Variants in ACO2 observed in about 807,000 individuals in gnomAD.
ACO2 encodes the protein aconitase 2, also known as aconitate hydratase, mitochondrial.
ACO2 carries 31 observed loss-of-function variants against 84.5 expected under a neutral mutation model. The observed-to-expected ratio is 0.37, with a 90% CI of 0.28 to 0.50. The LOEUF (loss-of-function observed/expected upper bound fraction) is 0.50, where lower values mean the gene tolerates loss of function less well. Ranked by LOEUF, ACO2 falls within the 20% of genes least tolerant of loss-of-function variation. The probability of loss-of-function intolerance (pLI) is 0.97; values close to 1 mark genes in which losing one functional copy is unlikely to be tolerated. For synonymous variants in ACO2, 414 were observed against 412.7 expected (o/e 1.00, Z -0.04); for missense variants, 685 against 1,029.3 (o/e 0.67, Z 4.58).
chr22:41,497,604 T>G lies in ACO2; in HGVS notation c.37-2122T>G, dbSNP rs566478181. On this transcript the variant is annotated intron_variant, in intron 1 of 17. Coordinates refer to ENST00000216254, the MANE Select transcript of ACO2 (RefSeq NM_001098.3). ...AAAAATAAACCTAAAAGAATTAGGG[T>G]GGGCGCAGTGGCTCACGCCTGTAAT... 4.6e-4 allele frequency among the ~76,000 whole-genome samples: 70 copies of G among 150,876 alleles called. 1 individual carries two copies. Among genetic ancestry groups the G allele is most frequent in the African/African-American group, 1.7e-3 (68 of 41,096 alleles).
chr22:41,501,188 G>A (rs909860330), intron 2 of ACO2, among the ~76,000 whole-genome samples: 1 of 152,006 alleles, frequency 6.6e-6, no homozygotes, highest in Non-Finnish European at 1.5e-5. Flanking sequence ...ATTTTTTGTA[G>A]AGATGGGGTA....
chr22:41,469,876 T>C (rs1184893453), intron 1 of ACO2, among the ~76,000 whole-genome samples: 1 of 152,188 alleles, frequency 6.6e-6, no homozygotes, highest in African/African-American at 2.4e-5. Context: ...AGGTGAAAGT[T>C]CTGATTCTCA....
intron 11 of ACO2, 144 bp from the exon 12 acceptor site, chr22:41,523,686 G>A: frequency 1.4e-6 from 1 of 723,128 alleles, no homozygotes; most frequent in South Asian, 1.7e-5. Context: ...GGCCCCAGGA[G>A]GAGGCAACCC....
chr22:41,520,311 TCAGGGCCAGTGGCTCTGCC>T, intron 9 of ACO2, 35 bp downstream of exon 9: 7 of 1,553,478 alleles, frequency 4.5e-6, no homozygotes, highest in Non-Finnish European at 6.2e-6. Context: ...TTAGCAGGTC[TCAGGGCCAGTGGCTCTGCC>T]CAGGGCTGTA....
At chr22:41,501,578 G>T (rs1275771777) in intron 2 of ACO2, among the ~76,000 whole-genome samples, 5 of 152,188 alleles carry the variant, frequency 3.3e-5, no homozygotes, top group Admixed American at 3.3e-4. Flanking sequence ...TGCAGATGGG[G>T]CTGTGCCCTT....
chr22:41,490,108 A>T (rs1461072469), intron 1 of ACO2, among the ~76,000 whole-genome samples: 1 of 152,158 alleles, frequency 6.6e-6, no homozygotes, highest in Non-Finnish European at 1.5e-5. Flanking sequence ...GGATCACCTG[A>T]GGTCAGGAGT....
chr22:41,470,071 T>C (rs569664184), intron 1 of ACO2, among the ~76,000 whole-genome samples: 2 of 152,298 alleles, frequency 1.3e-5, no homozygotes, highest in East Asian at 3.9e-4. Context: ...ATAAGGAGAC[T>C]CCAGTTTGAC....
Position 41,526,286 on chromosome 22 carries a change from C to T in ACO2, c.1786C>T (p.His596Tyr), listed in dbSNP as rs2066594318. 1 of 1,612,252 alleles carries T rather than the reference C, an allele frequency of 6.2e-7. No homozygotes were observed. Among genetic ancestry groups the T allele is most frequent in the Non-Finnish European group, 8.5e-7 (1 of 1,180,000 alleles). Reference protein sequence around the residue: ...IKVKGKCTTDHISAAGPWLKF... With the variant: ...IKVKGKCTTDYISAAGPWLKF... The stretch of plus-strand genomic sequence containing the variant: ...GGTCAAAGGGAAGTGTACCACTGAC[C>T]ACATCTCAGCTGCTGGCCCCTGGCT... Residue 596 changes from histidine to tyrosine, a missense_variant, in exon 15 of 18, where the codon CAC (histidine) becomes TAC (tyrosine). Around this residue, in one of 5 missense-constraint regions of ACO2, gnomAD observed 10 missense variants for 39.7 expected, o/e 0.25. Coordinates refer to ENST00000216254, the MANE Select transcript of ACO2 (RefSeq NM_001098.3).
At chr22:41,512,280 A>C in intron 4 of ACO2, 1 of 289,064 alleles carries the variant, frequency 3.5e-6, no homozygotes. Flanking sequence ...ATAAACTCTC[A>C]TACAGAACAT....
rs2066471271 is a variant in ACO2, at chr22:41,515,756, C to T, written c.685-11C>T. 5 of 1,613,072 alleles carry T rather than the reference C, an allele frequency of 3.1e-6. No individual in the cohort carries two copies. In the South Asian group the frequency reaches 4.4e-5, roughly 14 times the overall value. On this transcript the variant is annotated splice_polypyrimidine_tract_variant and intron_variant, in intron 5 of 17. Transcript: ENST00000216254. The surrounding 1 kb of genome is among the most constrained non-coding windows in gnomAD (Gnocchi z 5.8). ...CGGCCTCTCACAGCCGCCTCGCCCC[C>T]TCCTGTCCAGGTGATTGGCGTGAAG...
intron 6 of ACO2, 66 bp from the exon 7 acceptor site, chr22:41,517,461 G>A (rs576454118): frequency 1.5e-5 from 20 of 1,313,106 alleles, no homozygotes; most frequent in East Asian, 4.8e-5. Flanking sequence ...GCAGGTGGCC[G>A]CGTAGCAGGT....
At chr22:41,527,197 C>T (rs562566273) in intron 15 of ACO2, 91 bp from the exon 16 acceptor site, 365 of 1,587,844 alleles carry the variant, frequency 2.3e-4, no homozygotes, top group Admixed American at 3.1e-4. Flanking sequence ...GATGCCCAGG[C>T]GCCAGGTGGG....
intron 1 of ACO2, among the ~76,000 whole-genome samples, chr22:41,486,384 C>G (rs2038155468): frequency 6.6e-6 from 1 of 152,016 alleles, no homozygotes; most frequent in Non-Finnish European, 1.5e-5. Context: ...ACCTCTGCCT[C>G]CCAGGTTCAA....
At chr22:41,484,546 T>A (rs2038128460) in intron 1 of ACO2, among the ~76,000 whole-genome samples, 1 of 150,800 alleles carries the variant, frequency 6.6e-6, no homozygotes, top group Non-Finnish European at 1.5e-5. Flanking sequence ...ATTCTGGTAA[T>A]TTTTTTTTTA....
chr22:41,527,660 C>T, intron 16 of ACO2: 1 of 784,458 alleles, frequency 1.3e-6, no homozygotes, highest in Non-Finnish European at 2.0e-6. Context: ...AGGACATGTG[C>T]CAGGGGGTTC....
intron 4 of ACO2, among the ~76,000 whole-genome samples, chr22:41,513,743 G>T (rs2066454637): frequency 1.3e-5 from 2 of 152,242 alleles, no homozygotes; most frequent in Admixed American, 1.3e-4. Flanking sequence ...TAATGTATGT[G>T]TGTGTTGTGT....
chr22:41,509,737 G>C (rs2066420158), intron 3 of ACO2, among the ~76,000 whole-genome samples: 1 of 151,854 alleles, frequency 6.6e-6, no homozygotes, highest in African/African-American at 2.4e-5. Flanking sequence ...GGGGCAGCCA[G>C]GAACGCGAGG....
intron 2 of ACO2, among the ~76,000 whole-genome samples, chr22:41,503,415 C>G (rs751896811): frequency 1.9e-4 from 29 of 152,152 alleles, no homozygotes; most frequent in Non-Finnish European, 3.7e-4. Context: ...ACTGCAACCT[C>G]TGCCTCCCAA....
intron 1 of ACO2, among the ~76,000 whole-genome samples, chr22:41,483,765 T>A (rs1470613714): frequency 6.6e-6 from 1 of 152,166 alleles, no homozygotes; most frequent in Non-Finnish European, 1.5e-5. Context: ...CCCAGCACTT[T>A]AGGAGGCTGC....
Sources: allele counts gnomAD v4.1 joint callset (sites outside exome capture counted in the v4.1 genomes callset), GRCh38; gene constraint gnomAD v4.1.1; regional missense constraint gnomAD v4.1.1; non-coding constraint Gnocchi (gnomAD v3.1); transcripts MANE v1.5; gene names NCBI Gene and HGNC (gene_info 2026-07-23, HGNC 2026-07-21).